MAGI2: variants seen among roughly 807,000 people sequenced by gnomAD.
The protein encoded by MAGI2 is membrane-associated guanylate kinase, WW and PDZ domain-containing protein 2.
In MAGI2, 35 loss-of-function variants were observed where a neutral mutation model predicts 133.3. The observed-to-expected ratio is 0.26, with a 90% confidence interval of 0.20 to 0.35. MAGI2 has a LOEUF of 0.35. Ranked by LOEUF, MAGI2 falls within the 10% of genes least tolerant of loss-of-function variation. The pLI is 1.00. For missense variants in MAGI2, 1,636 were observed against 1,863.4 expected (o/e 0.88, Z 2.25); for synonymous variants, 729 against 710.6 (o/e 1.03, Z -0.41).
chr7:78,975,850 C>A (rs1562739521), intron 2 of MAGI2, among the ~76,000 whole-genome samples: 2 of 151,534 alleles, frequency 1.3e-5, no homozygotes, highest in Non-Finnish European at 1.5e-5. Context: ...CTACTGATTG[C>A]ATGAAGATTG....
chr7:79,044,153 C>T (rs184093677), intron 1 of MAGI2, among the ~76,000 whole-genome samples: 1 of 152,208 alleles, frequency 6.6e-6, no homozygotes, highest in East Asian at 1.9e-4. Context: ...GGTCAATATC[C>T]CTAATGAACA....
chr7:78,982,202 T>C (rs1224893008), intron 2 of MAGI2, among the ~76,000 whole-genome samples: 3 of 151,958 alleles, frequency 2.0e-5, no homozygotes, highest in Non-Finnish European at 4.4e-5. Context: ...AAACATTCTT[T>C]TGAGTTCTAA....
chr7:78,712,149 T>G (rs73150732), intron 2 of MAGI2, among the ~76,000 whole-genome samples: 7,551 of 152,292 alleles, frequency 0.05, 274 homozygotes, highest in Non-Finnish European at 0.076. Context: ...ATGTAGAGTT[T>G]GGCTACATAT....
chr7:78,724,321 T>A (rs760512748), intron 2 of MAGI2, among the ~76,000 whole-genome samples: 1 of 152,062 alleles, frequency 6.6e-6, no homozygotes, highest in African/African-American at 2.4e-5. Context: ...GACTAAAGAC[T>A]GAAAAAGTAA....
chr7:78,704,891 C>T (rs1818475493), intron 2 of MAGI2, among the ~76,000 whole-genome samples: 1 of 146,944 alleles, frequency 6.8e-6, no homozygotes, highest in Non-Finnish European at 1.5e-5. Flanking sequence ...TCTAAGTGAA[C>T]AAATACAGGA....
At chr7:78,848,340 G>T (rs1054829657) in intron 2 of MAGI2, among the ~76,000 whole-genome samples, 1 of 151,786 alleles carries the variant, frequency 6.6e-6, no homozygotes. Context: ...TCTGCCCAGG[G>T]ACATCACAAA....
intron 1 of MAGI2, among the ~76,000 whole-genome samples, chr7:79,274,087 G>T (rs1380306723): frequency 6.6e-6 from 1 of 151,956 alleles, no homozygotes; most frequent in East Asian, 1.9e-4. Flanking sequence ...AAAACACAGG[G>T]CACTCACTCA....
chr7:78,944,318 C>T (rs571424205), intron 2 of MAGI2, among the ~76,000 whole-genome samples: 200 of 152,214 alleles, frequency 1.3e-3, no homozygotes, highest in African/African-American at 4.4e-3. Context: ...GTGCTTCAGG[C>T]CTTTCAGTGG....
intron 2 of MAGI2, among the ~76,000 whole-genome samples, chr7:78,791,890 CA>C (rs780005116): frequency 6.6e-6 from 1 of 151,964 alleles, no homozygotes; most frequent in Non-Finnish European, 1.5e-5. Flanking sequence ...GGGGGTAGGT[CA>C]AATTATTATG....
intron 6 of MAGI2, among the ~76,000 whole-genome samples, chr7:78,479,530 G>A (rs980997402): frequency 7.2e-5 from 11 of 151,912 alleles, no homozygotes; most frequent in African/African-American, 2.7e-4. Context: ...CCCAAGTCAG[G>A]AGAACTAAGC....
intron 2 of MAGI2, among the ~76,000 whole-genome samples, chr7:78,972,176 G>C (rs527347137): frequency 6.6e-6 from 1 of 151,944 alleles, no homozygotes; most frequent in South Asian, 2.1e-4. Context: ...AGAGCCATCA[G>C]ACTTAATTAG....
intron 21 of MAGI2, among the ~76,000 whole-genome samples, chr7:78,064,627 C>T (rs1014874745): frequency 5.3e-5 from 8 of 152,000 alleles, no homozygotes; most frequent in African/African-American, 1.9e-4. Context: ...AGAAGTGTGT[C>T]AGTTTGATTT....
chr7:78,364,068 A>G lies in MAGI2; in HGVS notation c.1103+5088T>C, dbSNP rs1793126634. Among the ~76,000 whole-genome samples, 4 of 151,746 alleles carry G rather than the reference A, an allele frequency of 2.6e-5. No homozygotes were observed. In the South Asian group the frequency reaches 8.3e-4, roughly 31 times the overall value. On this transcript the variant is annotated intron_variant, in intron 7 of 21. Coordinates refer to ENST00000354212, the MANE Select transcript of MAGI2 (RefSeq NM_012301.4). Reference sequence around the variant, plus strand: ...CTTCTTCTCTATAATCTGCCTACTCAAGATCTCACAGCTGGCGAGCTACAG... The same window carrying G: ...CTTCTTCTCTATAATCTGCCTACTCGAGATCTCACAGCTGGCGAGCTACAG...
chr7:78,955,723 CTCTTTCTTTCTTTCTT>C (rs1158477695), intron 2 of MAGI2, among the ~76,000 whole-genome samples: 1,370 of 83,370 alleles, frequency 0.016, 18 homozygotes, highest in African/African-American at 0.039. Flanking sequence ...TTCTTTCTTT[CTCTTTCTTTCTTTCTT>C]TCTTTCTTTC....
chr7:78,661,270 C>G (rs1216163975), intron 2 of MAGI2, among the ~76,000 whole-genome samples: 1 of 152,150 alleles, frequency 6.6e-6, no homozygotes, highest in African/African-American at 2.4e-5. Context: ...TTTCATTAAT[C>G]TTGTCTATTT....
intron 1 of MAGI2, among the ~76,000 whole-genome samples, chr7:79,025,145 C>G (rs1171771898): frequency 1.3e-5 from 2 of 149,758 alleles, no homozygotes; most frequent in Non-Finnish European, 3.0e-5. Context: ...AAATGTGATA[C>G]CTATATACCA....
intron 2 of MAGI2, among the ~76,000 whole-genome samples, chr7:78,905,969 G>A (rs759740261): frequency 1.3e-5 from 2 of 152,068 alleles, no homozygotes; most frequent in Non-Finnish European, 2.9e-5. Context: ...AGAGTTCCTG[G>A]ACCATAGCAG....
chr7:78,535,311 T>A (rs1056650851), intron 3 of MAGI2, among the ~76,000 whole-genome samples: 3 of 152,116 alleles, frequency 2.0e-5, no homozygotes, highest in African/African-American at 7.2e-5. Context: ...TGGAACCTAA[T>A]AGGGTTTGTT....
chr7:78,814,563 G>A (rs1256902533), intron 2 of MAGI2, among the ~76,000 whole-genome samples: 2 of 152,090 alleles, frequency 1.3e-5, no homozygotes, highest in Non-Finnish European at 2.9e-5. Flanking sequence ...TTAAATTGTA[G>A]AATATTATTC....
Sources: allele counts gnomAD v4.1 joint callset (sites outside exome capture counted in the v4.1 genomes callset), GRCh38; gene constraint gnomAD v4.1.1; transcripts MANE v1.5; gene names NCBI Gene and HGNC (gene_info 2026-07-23, HGNC 2026-07-21).